Variants in TMEM108 observed in about 807,000 individuals in gnomAD.
The protein encoded by TMEM108 is cancer/testis antigen 124.
TMEM108 carries 12 observed loss-of-function variants against 35.1 expected under a neutral mutation model. That is an observed-to-expected ratio of 0.34 (90% CI 0.22 to 0.55). The LOEUF is 0.55. TMEM108 is among the 20% of genes least tolerant of loss of function. The pLI, the probability that TMEM108 is intolerant of heterozygous loss-of-function variation, is 0.89. For missense variants in TMEM108, 680 were observed against 753.3 expected, an observed-to-expected ratio of 0.90 and a Z score of 1.14; for synonymous variants, 287 against 308.6, an observed-to-expected ratio of 0.93 and a Z score of 0.73.
intron 3 of TMEM108, among the ~76,000 whole-genome samples, chr3:133,326,174 G>GT (rs1199517704): frequency 3.3e-5 from 5 of 152,160 alleles, no homozygotes; most frequent in Non-Finnish European, 7.3e-5. Context: ...TGCCACTTCC[G>GT]TAAGTGCTGT....
chr3:133,239,005 C>T (rs745413052), intron 3 of TMEM108, among the ~76,000 whole-genome samples: 2 of 152,142 alleles, frequency 1.3e-5, no homozygotes, highest in African/African-American at 4.8e-5. Flanking sequence ...TTTTACACTG[C>T]TTGGTCACAG....
At chr3:133,377,794 A>G (rs1335726055) in intron 3 of TMEM108, among the ~76,000 whole-genome samples, 1 of 23,736 alleles carries the variant, frequency 4.2e-5, no homozygotes, top group African/African-American at 1.6e-4. Flanking sequence ...CCGGTGAGCC[A>G]GCATCACCAC....
chr3:133,201,148 C>T (rs75596587), intron 2 of TMEM108, among the ~76,000 whole-genome samples: 7 of 152,178 alleles, frequency 4.6e-5, no homozygotes, highest in African/African-American at 1.7e-4. Context: ...ATTTACAAAG[C>T]CTGTATCAAA....
At chr3:133,118,402 A>G (rs1944313137) in intron 2 of TMEM108, among the ~76,000 whole-genome samples, 1 of 152,194 alleles carries the variant, frequency 6.6e-6, no homozygotes, top group African/African-American at 2.4e-5. Context: ...TATTTATGGA[A>G]TTATTCTTTC....
intron 2 of TMEM108, among the ~76,000 whole-genome samples, chr3:133,214,238 G>T (rs930577842): frequency 6.6e-6 from 1 of 152,100 alleles, no homozygotes; most frequent in Admixed American, 6.5e-5. Flanking sequence ...CAGAGCTCAA[G>T]AAACTAGTTT....
At chr3:133,300,167 C>T (rs1947199890) in intron 3 of TMEM108, among the ~76,000 whole-genome samples, 1 of 152,056 alleles carries the variant, frequency 6.6e-6, no homozygotes, top group African/African-American at 2.4e-5. Flanking sequence ...CAAGAATACC[C>T]TGTGGCTGGT....
chr3:133,259,875 G>A (rs1433117501), intron 3 of TMEM108, among the ~76,000 whole-genome samples: 4 of 152,242 alleles, frequency 2.6e-5, no homozygotes, highest in African/African-American at 9.6e-5. Context: ...GGCAGTTCCT[G>A]TGTCAGTGCA....
intron 3 of TMEM108, among the ~76,000 whole-genome samples, chr3:133,263,882 G>GT (rs1946659684): frequency 6.6e-6 from 1 of 152,194 alleles, no homozygotes; most frequent in Admixed American, 6.5e-5. Flanking sequence ...TTTCAGAGCA[G>GT]TTATTTTGTC....
chr3:133,302,469 G>A (rs142908705), intron 3 of TMEM108, among the ~76,000 whole-genome samples: 1,588 of 131,976 alleles, frequency 0.012, 39 homozygotes, highest in South Asian at 0.047. Flanking sequence ...CGCCCAGGCT[G>A]GAATGCAGTG....
intron 2 of TMEM108, among the ~76,000 whole-genome samples, chr3:133,164,831 GA>G (rs1164595586): frequency 6.6e-6 from 1 of 151,810 alleles, no homozygotes; most frequent in Non-Finnish European, 1.5e-5. Flanking sequence ...CATTTTTATT[GA>G]AAAAAACATT....
intron 3 of TMEM108, among the ~76,000 whole-genome samples, chr3:133,347,587 A>G (rs2107761451): frequency 6.6e-6 from 1 of 152,186 alleles, no homozygotes; most frequent in East Asian, 1.9e-4. Flanking sequence ...TCTGCAAACA[A>G]AGTTTTATTT....
intron 3 of TMEM108, among the ~76,000 whole-genome samples, chr3:133,331,291 A>G (rs1178096595): frequency 6.6e-6 from 1 of 152,170 alleles, no homozygotes. Flanking sequence ...CTGTCATCAG[A>G]TGTCTTATTT....
At chr3:133,092,960 C>A (rs1943967903) in intron 2 of TMEM108, among the ~76,000 whole-genome samples, 1 of 151,026 alleles carries the variant, frequency 6.6e-6, no homozygotes, top group African/African-American at 2.4e-5. Flanking sequence ...GAGGAAAACA[C>A]AAATCCCATA....
At chr3:133,083,247 A>G (rs1261654656) in intron 2 of TMEM108, among the ~76,000 whole-genome samples, 1 of 138,412 alleles carries the variant, frequency 7.2e-6, no homozygotes, top group African/African-American at 2.7e-5. Flanking sequence ...TATCCTGTAC[A>G]TGCCTCTGTT....
chr3:133,349,269 T>C (rs1218606220), intron 3 of TMEM108, among the ~76,000 whole-genome samples: 1 of 152,162 alleles, frequency 6.6e-6, no homozygotes, highest in Non-Finnish European at 1.5e-5. Flanking sequence ...GGCATTCAAA[T>C]CTAGGGTTGA....
At chr3:133,303,315 G>A (rs750831614) in intron 3 of TMEM108, 2 of 152,108 alleles carry the variant, frequency 1.3e-5, no homozygotes, top group Non-Finnish European at 2.9e-5. Flanking sequence ...ATCCCCACAG[G>A]GAGCAGATGG....
chr3:133,067,563 T>C (rs898698101), intron 2 of TMEM108, among the ~76,000 whole-genome samples: 1 of 152,204 alleles, frequency 6.6e-6, no homozygotes, highest in African/African-American at 2.4e-5. Flanking sequence ...TTAGAACACA[T>C]TTCAAGTGTC....
At chr3:133,280,949 C>A (rs76970416) in intron 3 of TMEM108, among the ~76,000 whole-genome samples, 1 of 152,164 alleles carries the variant, frequency 6.6e-6, no homozygotes, top group Non-Finnish European at 1.5e-5. Flanking sequence ...TCTTGAGGTC[C>A]AACCTTAAAG....
chr3:133,387,312 C>A (rs986130467), intron 4 of TMEM108: 2 of 985,296 alleles, frequency 2.0e-6, no homozygotes, highest in Non-Finnish European at 2.4e-6. Flanking sequence ...GGCAGAGTCA[C>A]AATTTGAACC....
Sources: gnomAD v4.1 joint callset for allele counts (sites outside exome capture counted in the v4.1 genomes callset) on GRCh38, gnomAD v4.1.1 for gene constraint, MANE v1.5 for transcripts, NCBI Gene and HGNC (gene_info 2026-07-23, HGNC 2026-07-21) for gene names.